The following BMP1 variants were observed in gnomAD, a reference collection of about 807,000 sequenced individuals.
BMP1 encodes bone morphogenetic protein 1, also known as mammalian tolloid protein.
In BMP1, 63 loss-of-function variants were observed where a neutral mutation model predicts 116.8. That is an observed-to-expected ratio of 0.54 (90% CI 0.44 to 0.67). The LOEUF is 0.67. Ranked by LOEUF, BMP1 falls within the 30% of genes least tolerant of loss-of-function variation. The probability of loss-of-function intolerance (pLI) is 0.00; values close to 1 mark genes in which losing one functional copy is unlikely to be tolerated. For missense variants in BMP1, 1,183 were observed against 1,358.9 expected (o/e 0.87, Z 2.04); for synonymous variants, 536 against 533.4 (o/e 1.00, Z -0.07).
chr8:22,201,251 G>C (rs760205762), intron 15 of BMP1: 4 of 1,583,606 alleles, frequency 2.5e-6, no homozygotes, highest in Non-Finnish European at 3.4e-6. Context: ...ACCTCACCTT[G>C]GACGGAATGG....
At chr8:22,187,286 C>T (rs2131867488) in intron 8 of BMP1, among the ~76,000 whole-genome samples, 1 of 151,940 alleles carries the variant, frequency 6.6e-6, no homozygotes, top group South Asian at 2.1e-4. Flanking sequence ...CCACCACGCC[C>T]AGGCCAGCCC....
At chr8:22,192,528 T>A (rs1163415838) in intron 9 of BMP1, among the ~76,000 whole-genome samples, 1 of 152,170 alleles carries the variant, frequency 6.6e-6, no homozygotes, top group East Asian at 1.9e-4. Context: ...ATCCACTATT[T>A]TTTTCTATCT....
Position 22,194,614 on chromosome 8 carries a change from G to A in BMP1, c.1443+24G>A. 1.2e-6 allele frequency: 2 copies of A among 1,612,478 alleles called. 1 individual carries two copies. Among genetic ancestry groups the A allele is most frequent in the African/African-American group, 2.7e-5 (2 of 74,996 alleles). On this transcript the variant is annotated intron_variant, in intron 11 of 19. Transcript: ENST00000306385. The surrounding 1 kb of genome is among the most constrained non-coding windows in gnomAD (Gnocchi z 4.5). ...AGGTAGGTCAGTGGCCCTGTGATCT[G>A]ACCTTTGAATCCAGCAGTTGCTCCC... is the stretch of plus-strand genomic sequence containing the variant.
chr8:22,188,609 C>T (rs1828844548), intron 8 of BMP1, among the ~76,000 whole-genome samples: 1 of 152,242 alleles, frequency 6.6e-6, no homozygotes, highest in Admixed American at 6.5e-5. Flanking sequence ...CAGCTGTTTC[C>T]ACACGACAGA....
rs1209170846 is a variant in BMP1, at chr8:22,200,972, T to C, written c.2108-831T>C. On this transcript the variant is annotated intron_variant, in intron 15 of 19. Transcript: ENST00000306385. ...TGCGCCCGGACATGGCCACCCTGCA[T>C]GTGTGTCCGCCTGCCCTCCCGCCCC... 5.7e-6 allele frequency: 4 copies of C among 701,594 alleles called. No individual in the cohort carries two copies. The Admixed American group carries it at 7.7e-5, about 13-fold the overall frequency. The allele number at this position is 701,594 out of a possible 1,614,324, so 43.5% of individuals were successfully genotyped here.
chr8:22,196,697 C>A lies in BMP1; in HGVS notation c.1783C>A (p.Leu595Ile), dbSNP rs1465423554. 4 of 1,614,126 alleles carry A rather than the reference C, an allele frequency of 2.5e-6. No homozygotes were observed. In the Admixed American group the frequency reaches 5.0e-5, roughly 20 times the overall value. ...RRCEAACGGF[L>I]TKLNGSITSP... ...CCCCGCAGCTGCTTGTGGCGGATTC[C>A]TCACCAAGCTCAACGGCTCCATCAC... The change falls in exon 14 of 20, where the codon CTC becomes ATC. Residue 595 changes from leucine (L) to isoleucine (I), a missense_variant. By Grantham distance (5) the Leu-to-Ile change is conservative (BLOSUM62 2). Coordinates refer to ENST00000306385, the MANE Select transcript of BMP1 (RefSeq NM_006129.5).
At chr8:22,208,153 A>G (rs996503230) in intron 18 of BMP1, among the ~76,000 whole-genome samples, 3 of 152,102 alleles carry the variant, frequency 2.0e-5, no homozygotes, top group Non-Finnish European at 2.9e-5. Flanking sequence ...CAAAGTGCTG[A>G]GATTACAGGC....
At chr8:22,177,669 C>T in intron 5 of BMP1, 183 bp from the exon 6 acceptor site, 1 of 764,134 alleles carries the variant, frequency 1.3e-6, no homozygotes, top group South Asian at 1.4e-5. Context: ...CTCTGCTGGA[C>T]AGGACTCTTC....
At chr8:22,208,075 G>A (rs966925900) in intron 18 of BMP1, among the ~76,000 whole-genome samples, 1 of 152,054 alleles carries the variant, frequency 6.6e-6, no homozygotes, top group South Asian at 2.1e-4. Context: ...GTAGAGACAG[G>A]GTTTCGCCAT....
intron 18 of BMP1, 55 bp from the exon 19 acceptor site, chr8:22,209,390 T>C (rs1023704949): frequency 1.3e-6 from 2 of 1,591,706 alleles, no homozygotes; most frequent in African/African-American, 2.7e-5. Context: ...TAGTGTGCCA[T>C]GGGGCCTGGC....
chr8:22,182,331 A>T (rs1244767694), intron 8 of BMP1, among the ~76,000 whole-genome samples: 1 of 152,180 alleles, frequency 6.6e-6, no homozygotes, highest in Non-Finnish European at 1.5e-5. Flanking sequence ...CAGCACACAA[A>T]CCAAAGAAGA....
rs1040498958 is a variant in BMP1, at chr8:22,203,753, C to T, written c.2233+1825C>T. On this transcript the variant is annotated intron_variant, in intron 16 of 19. Transcript: ENST00000306385. ...CCTCAACAGTGAACCAGTGGACAGTCGAGGGCTTCCAACCCTGTGACCTCA... is the reference window on the plus strand; with the variant it reads ...CCTCAACAGTGAACCAGTGGACAGTTGAGGGCTTCCAACCCTGTGACCTCA... Among the ~76,000 whole-genome samples the T allele has an allele frequency of 4.6e-5, 7 of 152,108 alleles. No homozygotes were observed. In the South Asian group the frequency reaches 8.3e-4, roughly 18 times the overall value.
At chr8:22,198,010 C>A (rs1035361621) in intron 15 of BMP1, among the ~76,000 whole-genome samples, 2 of 152,056 alleles carry the variant, frequency 1.3e-5, no homozygotes, top group African/African-American at 4.8e-5. Context: ...CATAGCGAGA[C>A]CCCATCTCTA....
At chr8:22,206,688 C>T (rs765449536) in intron 16 of BMP1, among the ~76,000 whole-genome samples, 166 bp from the exon 17 acceptor site, 7 of 152,012 alleles carry the variant, frequency 4.6e-5, no homozygotes, top group African/African-American at 7.3e-5. Context: ...TTTCCCCAGA[C>T]GCAGTAACCT....
Position 22,206,973 on chromosome 8 carries a change from G to C in BMP1, c.2353G>C (p.Val785Leu), listed in dbSNP as rs745600775. 11 of 1,614,144 alleles carry C rather than the reference G, an allele frequency of 6.8e-6. No homozygotes were observed. The highest frequency in any genetic ancestry group is 8.5e-6 in the Non-Finnish European group (10 of 1,180,004). The change falls in exon 17 of 20, where the codon GTC becomes CTC. Residue 785 changes from valine (V) to leucine (L), a missense_variant. Coordinates refer to ENST00000306385, the MANE Select transcript of BMP1 (RefSeq NM_006129.5). ...WAISSTPGHRVKLTFMEMDIE... is the reference protein window; with the variant it reads ...WAISSTPGHRLKLTFMEMDIE... The stretch of plus-strand genomic sequence containing the variant: ...CATCTCCAGCACCCCCGGGCACCGG[G>C]TCAAGCTGGTAAGGGGTCCCCTCCC...
rs1829032620 is a variant in BMP1, at chr8:22,194,771, CG to C, written c.1494del (p.His499ThrfsTer253). 6.2e-7 allele frequency: 1 copy of C among 1,613,370 alleles called. No homozygotes were observed. The part of the protein sequence containing the change: ...CAYDYLEVRD[G>X]HSESSTLIGR... ...CCTACGACTATCTGGAGGTGCGCGA[CG>C]GGCACAGTGAGAGCAGCACCCTCAT... On this transcript the variant is annotated frameshift_variant, in exon 12 of 20. Transcript: ENST00000306385. LOFTEE classifies it high-confidence loss of function. The surrounding 1 kb of genome is among the most constrained non-coding windows in gnomAD (Gnocchi z 4.5).
chr8:22,195,001 C>A, intron 12 of BMP1, 82 bp downstream of exon 12: 1 of 1,409,172 alleles, frequency 7.1e-7, no homozygotes, highest in Non-Finnish European at 9.7e-7. Flanking sequence ...AACACGGAGA[C>A]TCCAGGAGGC....
In BMP1 at chr8:22,179,824, G is replaced by T; in HGVS notation, c.956G>T (p.Cys319Phe). 1 of 1,613,562 alleles carries T rather than the reference G, an allele frequency of 6.2e-7. No homozygotes were observed. Among genetic ancestry groups the T allele is most frequent in the Non-Finnish European group, 8.5e-7 (1 of 1,179,620 alleles). ...GCCCAAGCCCGCAAGCTTTACAAGT[G>T]CCCAGGTCAGGGCAGAGAAGGGATG... is the stretch of plus-strand genomic sequence containing the variant. The part of the protein sequence containing the change: ...DIAQARKLYK[C>F]PACGETLQDS... The change falls in exon 7 of 20, where the codon TGC becomes TTC. Residue 319 changes from cysteine to phenylalanine, a missense_variant. Around this residue, in one of 4 missense-constraint regions of BMP1, gnomAD observed 956 missense variants for 1,135.2 expected, o/e 0.84. Coordinates refer to ENST00000306385, the MANE Select transcript of BMP1 (RefSeq NM_006129.5). The surrounding 1 kb of genome is among the most constrained non-coding windows in gnomAD (Gnocchi z 4.6).
Position 22,207,371 on chromosome 8 carries a change from G to A in BMP1, c.2430G>A (p.Gly810=), listed in dbSNP as rs374092044. The change falls in exon 18 of 20, where the codon GGG becomes GGA. Residue 810 remains glycine, a synonymous_variant. Transcript: ENST00000306385. ...CAYDHLEVFD[G]RDAKAPVLGR... is the part of the protein sequence containing the mutation. The stretch of plus-strand genomic sequence containing the variant: ...ACGACCACCTAGAGGTGTTCGACGG[G>A]CGAGACGCCAAGGCCCCCGTCCTCG... The A allele has an allele frequency of 1.9e-6, 3 of 1,614,100 alleles. No individual in the cohort carries two copies. Among genetic ancestry groups the A allele is most frequent in the East Asian group, 2.2e-5 (1 of 44,886 alleles).
Sources: gnomAD v4.1 joint callset for allele counts (sites outside exome capture counted in the v4.1 genomes callset) on GRCh38, gnomAD v4.1.1 for gene constraint, gnomAD v4.1.1 regional missense constraint, Gnocchi (gnomAD v3.1) non-coding constraint, MANE v1.5 for transcripts, NCBI Gene and HGNC (gene_info 2026-07-23, HGNC 2026-07-21) for gene names.